Variants in PLEKHA7 observed in about 807,000 individuals in gnomAD.
PLEKHA7 encodes the protein pleckstrin homology domain containing A7.
In PLEKHA7, 104 loss-of-function variants were observed where a neutral mutation model predicts 170.0. The ratio of observed to expected loss-of-function variants is 0.61; its 90% CI spans 0.52 to 0.72. PLEKHA7 has a LOEUF of 0.72. Ranked by LOEUF, PLEKHA7 falls within the 30% of genes least tolerant of loss-of-function variation. The pLI is 0.00. For missense variants in PLEKHA7, 1,615 were observed against 1,671.7 expected (o/e 0.97, Z 0.59); for synonymous variants, 648 against 660.8 (o/e 0.98, Z 0.30).
chr11:16,786,701 T>C, intron 23 of PLEKHA7: 3 of 985,312 alleles, frequency 3.0e-6, no homozygotes, highest in South Asian at 9.4e-5. Context: ...TCCAAACAAC[T>C]TGGGACAGAG....
At position 16,782,910 on chromosome 11, in the gene PLEKHA7, G is replaced by A. The variant is rs745613117; in HGVS notation, c.3651-14C>T. 41 of 1,534,908 alleles carry A rather than the reference G, an allele frequency of 2.7e-5. No individual in the cohort carries two copies. The highest frequency in any genetic ancestry group is 3.3e-4 in the Middle Eastern group (2 of 5,990). ...AGGTTGCACATGCTGTAGGAGGGTC[G>A]GAAGCAGACCATGGGCCCTCCTGCC... On this transcript the variant is annotated splice_polypyrimidine_tract_variant and intron_variant, in intron 25 of 26. Coordinates refer to ENST00000531066, the MANE Select transcript of PLEKHA7 (RefSeq NM_001329630.2).
intron 3 of PLEKHA7, among the ~76,000 whole-genome samples, chr11:16,873,282 T>C (rs1341139282): frequency 6.6e-6 from 1 of 152,232 alleles, no homozygotes; most frequent in African/African-American, 2.4e-5. Context: ...TTTTTTACTC[T>C]GCCCTAATGC....
rs146803922 is a variant in PLEKHA7 at position 16,826,454 on chromosome 11, T to G, written c.1009A>C (p.Arg337=). The change falls in exon 10 of 27, where the codon AGG becomes CGG. Residue 337 remains arginine (R), a synonymous_variant. Transcript: ENST00000531066. The part of the protein sequence containing the change: ...RGHDDIVNFE[R]QEQEGEQYRS... The stretch of plus-strand genomic sequence containing the variant: ...TACTGCTCTCCCTCCTGCTCCTGCC[T>G]CTCGAAGTTGACAATGTCATCATGG... 1.0e-4 allele frequency: 168 copies of G among 1,614,228 alleles called. No individual in the cohort carries two copies. The African/African-American group carries it at 2.0e-3, about 20-fold the overall frequency.
chr11:16,806,710 G>T (rs1282768882), intron 13 of PLEKHA7, among the ~76,000 whole-genome samples: 1 of 152,202 alleles, frequency 6.6e-6, no homozygotes, highest in African/African-American at 2.4e-5. Context: ...AATACCAACT[G>T]CCTGCCCCCA....
intron 9 of PLEKHA7, among the ~76,000 whole-genome samples, chr11:16,830,890 G>C (rs930721327): frequency 1.3e-5 from 2 of 152,138 alleles, no homozygotes; most frequent in Admixed American, 6.5e-5. Context: ...CCTAAGCTTG[G>C]AGCTAATTTA....
intron 3 of PLEKHA7, among the ~76,000 whole-genome samples, chr11:17,007,132 G>A (rs756361279): frequency 2.1e-4 from 32 of 152,208 alleles, no homozygotes; most frequent in Non-Finnish European, 4.1e-4. Flanking sequence ...GCCCAGGGGG[G>A]CATGGATACA....
intron 3 of PLEKHA7, among the ~76,000 whole-genome samples, chr11:16,961,204 C>A (rs1168554317): frequency 6.6e-6 from 1 of 152,186 alleles, no homozygotes; most frequent in African/African-American, 2.4e-5. Context: ...CCACCCTGTC[C>A]CCATCCCCAG....
intron 13 of PLEKHA7, among the ~76,000 whole-genome samples, chr11:16,811,787 G>A (rs1256641163): frequency 2.0e-5 from 3 of 152,178 alleles, no homozygotes; most frequent in Non-Finnish European, 4.4e-5. Flanking sequence ...GCCTAGGATA[G>A]AGTCAACAGC....
rs1164575740 is a variant in PLEKHA7 at position 16,803,363 on chromosome 11, T to G, written c.2008-68A>C. The G allele has an allele frequency of 2.0e-6, 3 of 1,498,612 alleles. No homozygotes were observed. The East Asian group carries it at 6.8e-5, about 34-fold the overall frequency. 92.8% of individuals were successfully genotyped at this position (1,498,612 alleles called of 1,614,324 possible). A position where few individuals can be genotyped will look rare whatever the true frequency, so the allele number is the denominator to read the frequency against. ...GAGATCAGAACTCAGGAAAGAAAAT[T>G]CATCCTATAATGGATGGTGTGGAAG... On this transcript the variant is annotated intron_variant, in intron 13 of 26. Coordinates refer to ENST00000531066, the MANE Select transcript of PLEKHA7 (RefSeq NM_001329630.2).
At chr11:16,999,571 C>T (rs1319559006) in intron 3 of PLEKHA7, among the ~76,000 whole-genome samples, 7 of 152,032 alleles carry the variant, frequency 4.6e-5, no homozygotes, top group African/African-American at 4.8e-5. Flanking sequence ...TCCTGGGTAA[C>T]GGGGTGTACA....
intron 8 of PLEKHA7, 29 bp downstream of exon 8, chr11:16,851,162 T>G: frequency 2.0e-6 from 3 of 1,508,002 alleles, no homozygotes; most frequent in Non-Finnish European, 9.0e-7. Context: ...TTAGACAGAA[T>G]GGCTGCATTA....
chr11:16,894,418 C>T (rs1047494725), intron 3 of PLEKHA7, among the ~76,000 whole-genome samples: 1 of 152,214 alleles, frequency 6.6e-6, no homozygotes, highest in Non-Finnish European at 1.5e-5. Context: ...TTCCAGTGAG[C>T]ACACCACTGT....
chr11:16,795,340 A>G (rs1384274831), intron 17 of PLEKHA7: 3 of 286,442 alleles, frequency 1.0e-5, no homozygotes, highest in South Asian at 5.0e-5. Context: ...TTTCGTAGAG[A>G]CAGGAAGTAC....
chr11:16,827,966 T>C (rs893303409), intron 9 of PLEKHA7, among the ~76,000 whole-genome samples: 2 of 152,026 alleles, frequency 1.3e-5, no homozygotes, highest in African/African-American at 4.8e-5. Flanking sequence ...ACCCCAGGTG[T>C]CTTTGCAACA....
intron 3 of PLEKHA7, among the ~76,000 whole-genome samples, chr11:16,881,849 C>T (rs561085674): frequency 1.6e-4 from 24 of 152,152 alleles, no homozygotes; most frequent in Non-Finnish European, 3.2e-4. Context: ...GGTCAGCAAA[C>T]CCACTCCCCC....
intron 3 of PLEKHA7, among the ~76,000 whole-genome samples, chr11:16,895,913 A>G (rs1856965027): frequency 6.6e-6 from 1 of 152,214 alleles, no homozygotes; most frequent in Non-Finnish European, 1.5e-5. Flanking sequence ...AGAAACTTGT[A>G]AAAATTTGCT....
At position 16,947,417 on chromosome 11, in the gene PLEKHA7, T is replaced by A. The variant is rs531138518; in HGVS notation, c.221+66572A>T. 5.3e-5 allele frequency among the ~76,000 whole-genome samples: 8 copies of A among 150,348 alleles called. No individual in the cohort carries two copies. The South Asian group carries it at 1.7e-3, about 32-fold the overall frequency. On this transcript the variant is annotated intron_variant, in intron 3 of 26. Transcript: ENST00000531066. ...ACCAGCCTGGCCAACATGACAAAAC[T>A]CCGTCTCTACTAAAAATACGAAAAT...
Position 17,014,118 on chromosome 11 carries a change from C to G in PLEKHA7, c.163+7G>C, listed in dbSNP as rs1195468889. The G allele has an allele frequency of 6.3e-7, 1 of 1,599,072 alleles. No individual in the cohort carries two copies. Among genetic ancestry groups the G allele is most frequent in the Non-Finnish European group, 8.5e-7 (1 of 1,174,224 alleles). ...GCGCGCCCCCCACCCGCCGGCCCGG[C>G]GCCCACCTGAGCGGATCATGTGGCC... On this transcript the variant is annotated splice_region_variant and intron_variant, in intron 2 of 26. Transcript: ENST00000531066.
At chr11:16,982,110 C>T (rs888942581) in intron 3 of PLEKHA7, among the ~76,000 whole-genome samples, 1 of 152,200 alleles carries the variant, frequency 6.6e-6, no homozygotes, top group Non-Finnish European at 1.5e-5. Flanking sequence ...GAACAAGTCT[C>T]CCCCAGGAAG....
Sources: allele counts gnomAD v4.1 joint callset (sites outside exome capture counted in the v4.1 genomes callset), GRCh38; gene constraint gnomAD v4.1.1; transcripts MANE v1.5; gene names NCBI Gene and HGNC (gene_info 2026-07-23, HGNC 2026-07-21).